The following CHD3 variants were observed in gnomAD, a reference collection of about 807,000 sequenced individuals.
CHD3 encodes chromodomain helicase DNA binding protein 3, also known as ATP-dependent chromatin remodeler CHD3.
A neutral mutation model predicts 248.9 loss-of-function variants in CHD3; 52 were observed. That is an observed-to-expected ratio of 0.21 (90% CI 0.17 to 0.26). The LOEUF is 0.26. Ranked by LOEUF, CHD3 falls within the 10% of genes least tolerant of loss-of-function variation. The pLI is 1.00. For synonymous variants in CHD3, 985 were observed against 985.2 expected, an observed-to-expected ratio of 1.00 and a Z score of 0.00; for missense variants, 1,482 against 2,605.8, an observed-to-expected ratio of 0.57 and a Z score of 9.39.
Position 7,904,491 on chromosome 17 carries a change from C to A in CHD3, c.3944C>A (p.Pro1315His), listed in dbSNP as rs1206448839. ...EIIKQEENVDPDYWEKLLRHH... is the reference protein window; with the variant it reads ...EIIKQEENVDHDYWEKLLRHH... ...ATCAAGCAGGAGGAGAATGTGGACC[C>A]TGACTACTGGGAGAAGCTGCTGAGG... is the stretch of plus-strand genomic sequence containing the variant. Residue 1315 changes from proline (P) to histidine (H), a missense_variant, in exon 25 of 40, where the codon CCT (proline) becomes CAT (histidine). By Grantham distance (77) the Pro-to-His change is moderately conservative. Around this residue, in one of 20 missense-constraint regions of CHD3, gnomAD observed 156 missense variants for 420.3 expected, o/e 0.37. Coordinates refer to ENST00000330494, the MANE Select transcript of CHD3 (RefSeq NM_001005273.3). This position sits in a 1 kb window ranked among gnomAD's most constrained non-coding sequence, Gnocchi z 4.4. The A allele has an allele frequency of 6.2e-7, 1 of 1,613,984 alleles. No homozygotes were observed. Among genetic ancestry groups the A allele is most frequent in the African/African-American group, 1.3e-5 (1 of 74,974 alleles).
Position 7,908,322 on chromosome 17 carries a change from T to C in CHD3, c.5153-80T>C. 8.8e-7 allele frequency: 1 copy of C among 1,140,442 alleles called. No individual in the cohort carries two copies. Among genetic ancestry groups the C allele is most frequent in the Non-Finnish European group, 1.3e-6 (1 of 775,990 alleles). The allele number at this position is 1,140,442 out of a possible 1,614,324, so 70.6% of individuals were successfully genotyped here. On this transcript the variant is annotated intron_variant, in intron 34 of 39. Transcript: ENST00000330494. The surrounding 1 kb of genome is among the most constrained non-coding windows in gnomAD (Gnocchi z 5.8). ...CTTAGTTCCCTTTCATTATTCAGTT[T>C]CTCCATCTCTACCTGTCTGTTGGAC...
chr17:7,898,406 G>A (rs1405339881), intron 12 of CHD3, 90 bp from the exon 13 acceptor site: 1 of 983,048 alleles, frequency 1.0e-6, no homozygotes, highest in Non-Finnish European at 1.6e-6. Context: ...CTAGGTCATG[G>A]ACAGTGGGAA....
At position 7,906,182 on chromosome 17, in the gene CHD3, G is replaced by A. The variant is rs1485536999; in HGVS notation, c.4358+193G>A. The A allele has an allele frequency of 1.1e-6, 1 of 909,368 alleles. No homozygotes were observed. Among genetic ancestry groups the A allele is most frequent in the Non-Finnish European group, 1.8e-6 (1 of 551,330 alleles). The allele number at this position is 909,368 out of a possible 1,614,324, so 56.3% of individuals were successfully genotyped here. ...CCACCTCCCCTCAGCCGAGCCTAGA[G>A]TAGAGGGGCCAGGCATCCTCCCCAG... On this transcript the variant is annotated intron_variant, in intron 28 of 39. Transcript: ENST00000330494. This position sits in a 1 kb window ranked among gnomAD's most constrained non-coding sequence, Gnocchi z 5.0.
chr17:7,891,094 T>C (rs754274557), intron 4 of CHD3, 30 bp downstream of exon 4: 1 of 1,610,230 alleles, frequency 6.2e-7, no homozygotes, highest in Admixed American at 1.7e-5. Flanking sequence ...TCCTCGCTAA[T>C]TGACACTTTT....
chr17:7,899,007 A>G lies in CHD3; in HGVS notation c.2152-4A>G, dbSNP rs1243612043. On this transcript the variant is annotated splice_polypyrimidine_tract_variant and splice_region_variant and intron_variant, in intron 13 of 39. Coordinates refer to ENST00000330494, the MANE Select transcript of CHD3 (RefSeq NM_001005273.3). The surrounding 1 kb of genome is among the most constrained non-coding windows in gnomAD (Gnocchi z 6.8). ...TTGAGCTTTCTGACTTCTTGTCTCT[A>G]TAGCCTACCGTGAAATATGAGACTC... 2 of 1,613,624 alleles carry G rather than the reference A, an allele frequency of 1.2e-6. No individual in the cohort carries two copies. Among genetic ancestry groups the G allele is most frequent in the Non-Finnish European group, 1.7e-6 (2 of 1,179,682 alleles).
Position 7,912,115 on chromosome 17 carries a change from T to C in CHD3, c.*530T>C. 1 of 229,184 alleles carries C rather than the reference T, an allele frequency of 4.4e-6. No individual in the cohort carries two copies. The highest frequency in any genetic ancestry group is 8.7e-6 in the Non-Finnish European group (1 of 114,688). 14.2% of individuals were successfully genotyped at this position (229,184 alleles called of 1,614,324 possible). On this transcript the variant is annotated 3_prime_UTR_variant, in exon 40 of 40. Transcript: ENST00000330494. ...TGGCTGCATGTTACCGTCCCCTACCTCTCCCCACGTGGAGGGTGGAGCAGT... is the reference window on the plus strand; with the variant it reads ...TGGCTGCATGTTACCGTCCCCTACCCCTCCCCACGTGGAGGGTGGAGCAGT...
chr17:7,884,999 C>T (rs758866327), upstream of CHD3: 35 of 1,245,632 alleles, frequency 2.8e-5, no homozygotes, highest in South Asian at 8.0e-4. Flanking sequence ...CCGCGACCGC[C>T]ACAGCCCCCC....
In CHD3 at chr17:7,900,027, G is replaced by A. The variant is rs747446011; in HGVS notation, c.2676G>A (p.Gln892=). Residue 892 remains glutamine, a synonymous_variant, in exon 16 of 40, where the codon CAG becomes CAA. Coordinates refer to ENST00000330494, the MANE Select transcript of CHD3 (RefSeq NM_001005273.3). The surrounding 1 kb of genome is among the most constrained non-coding windows in gnomAD (Gnocchi z 6.5). The part of the protein sequence containing the change: ...VDEAHRLKNN[Q]SKFFRVLNGY... ...AGGCCCATCGACTCAAGAACAACCA[G>A]TCCAAGGTGAGTGAGGTTTCCAGAC... The A allele has an allele frequency of 1.1e-5, 17 of 1,607,278 alleles. No individual in the cohort carries two copies. Among genetic ancestry groups the A allele is most frequent in the Non-Finnish European group, 1.4e-5 (16 of 1,175,100 alleles).
In CHD3 at chr17:7,901,142, A is replaced by G. The variant is rs1970251054; in HGVS notation, c.3121-102A>G. On this transcript the variant is annotated intron_variant, in intron 19 of 39. Transcript: ENST00000330494. ...TCTGAGAACAGGAGGAATTGGGAAC[A>G]TGTGGAAGCTGGATCCGGGCATCTG... The G allele has an allele frequency of 5.9e-6, 9 of 1,519,162 alleles. No homozygotes were observed. In the East Asian group the frequency reaches 1.8e-4, roughly 31 times the overall value. 94.1% of individuals were successfully genotyped at this position (1,519,162 alleles called of 1,614,324 possible).
chr17:7,889,170 A>G lies in CHD3; in HGVS notation c.100+70A>G. On this transcript the variant is annotated intron_variant, in intron 1 of 39. Coordinates refer to ENST00000330494, the MANE Select transcript of CHD3 (RefSeq NM_001005273.3). The surrounding 1 kb of genome is among the most constrained non-coding windows in gnomAD (Gnocchi z 4.5). Reference sequence around the variant, plus strand: ...AAGGATGTCAGGGCCCCAGGGTGTTAGTGTGAGAACCCAGGTGTCCACCTT... The same window carrying G: ...AAGGATGTCAGGGCCCCAGGGTGTTGGTGTGAGAACCCAGGTGTCCACCTT... The G allele has an allele frequency of 6.3e-7, 1 of 1,597,184 alleles. No individual in the cohort carries two copies. The highest frequency in any genetic ancestry group is 8.6e-7 in the Non-Finnish European group (1 of 1,167,442).
At position 7,907,281 on chromosome 17, in the gene CHD3, G is replaced by C. The variant is rs189253864; in HGVS notation, c.4788+34G>C. 6.2e-7 allele frequency: 1 copy of C among 1,614,014 alleles called. No homozygotes were observed. The highest frequency in any genetic ancestry group is 1.7e-5 in the Admixed American group (1 of 60,026). ...CTCCCTGGATTCCCCTGTGGAGCGG[G>C]AGGGGAGGGGGCTTGGAGGCCAGGT... On this transcript the variant is annotated intron_variant, in intron 31 of 39. Coordinates refer to ENST00000330494, the MANE Select transcript of CHD3 (RefSeq NM_001005273.3). This position sits in a 1 kb window ranked among gnomAD's most constrained non-coding sequence, Gnocchi z 4.3.
Position 7,903,713 on chromosome 17 carries a change from G to T in CHD3, c.3728-112G>T. The T allele has an allele frequency of 8.0e-7, 1 of 1,254,134 alleles. No homozygotes were observed. Among genetic ancestry groups the T allele is most frequent in the East Asian group, 2.5e-5 (1 of 40,082 alleles). 77.7% of individuals were successfully genotyped at this position (1,254,134 alleles called of 1,614,324 possible). Reference sequence around the variant, plus strand: ...AAAAACCTTTCAACATTGGCTCCCGGGGAAAAAGCCTTCTCTAGGGCTCCT... The same window carrying T: ...AAAAACCTTTCAACATTGGCTCCCGTGGAAAAAGCCTTCTCTAGGGCTCCT... On this transcript the variant is annotated intron_variant, in intron 23 of 39. Transcript: ENST00000330494. The surrounding 1 kb of genome is among the most constrained non-coding windows in gnomAD (Gnocchi z 6.8).
rs1970620118 is a variant in CHD3, at chr17:7,904,078, CT to C, written c.3894+88del. On this transcript the variant is annotated intron_variant, in intron 24 of 39. Transcript: ENST00000330494. The surrounding 1 kb of genome is among the most constrained non-coding windows in gnomAD (Gnocchi z 4.4). ...TTACTCAGCCTTGAAGTAGGAGGGTCTGTCCCCCTTAAAACAGTAGTGGACC... is the reference window on the plus strand; with the variant it reads ...TTACTCAGCCTTGAAGTAGGAGGGTCGTCCCCCTTAAAACAGTAGTGGACC... 7.0e-7 allele frequency: 1 copy of C among 1,422,144 alleles called. No individual in the cohort carries two copies. The highest frequency in any genetic ancestry group is 9.7e-7 in the Non-Finnish European group (1 of 1,032,436). The allele number at this position is 1,422,144 out of a possible 1,614,324, so 88.1% of individuals were successfully genotyped here. A position where few individuals can be genotyped will look rare whatever the true frequency, so the allele number is the denominator to read the frequency against.
Position 7,905,807 on chromosome 17 carries a change from T to C in CHD3, c.4225-49T>C. On this transcript the variant is annotated intron_variant, in intron 27 of 39. Coordinates refer to ENST00000330494, the MANE Select transcript of CHD3 (RefSeq NM_001005273.3). The surrounding 1 kb of genome is among the most constrained non-coding windows in gnomAD (Gnocchi z 5.8). ...CACTGAAGGTAGAAAGGACAAGACC[T>C]AAGAACCCTAGACATTTGTCGCCAT... The C allele has an allele frequency of 6.2e-7, 1 of 1,614,064 alleles. No homozygotes were observed. Among genetic ancestry groups the C allele is most frequent in the Non-Finnish European group, 8.5e-7 (1 of 1,179,980 alleles).
intron 4 of CHD3, 93 bp from the exon 5 acceptor site, chr17:7,893,193 C>A: frequency 6.9e-7 from 1 of 1,449,776 alleles, no homozygotes; most frequent in Middle Eastern, 1.9e-4. Flanking sequence ...CCCAGGAATC[C>A]TAGCATGTAC....
upstream of CHD3, chr17:7,888,737 T>C (rs1014508249): frequency 4.2e-5 from 46 of 1,089,382 alleles, no homozygotes; most frequent in East Asian, 1.0e-4. Flanking sequence ...GGTGCGCGCG[T>C]GCGCGCGCGT....
rs778951661 is a variant in CHD3 at position 7,888,912 on chromosome 17, G to A, written c.-89G>A. 142 of 1,590,948 alleles carry A rather than the reference G, an allele frequency of 8.9e-5. No individual in the cohort carries two copies. The highest frequency in any genetic ancestry group is 9.1e-5 in the Non-Finnish European group (106 of 1,168,096). ...TATGGCCCCCTAGTTCCCAAAGGGA[G>A]CAGGGAGATGGGAATAGAATTGAAG... On this transcript the variant is annotated 5_prime_UTR_variant, in exon 1 of 40. Coordinates refer to ENST00000330494, the MANE Select transcript of CHD3 (RefSeq NM_001005273.3).
Position 7,897,330 on chromosome 17 carries a change from T to A in CHD3, c.1919+36T>A. The A allele has an allele frequency of 6.5e-7, 1 of 1,541,966 alleles. No homozygotes were observed. The highest frequency in any genetic ancestry group is 8.9e-7 in the Non-Finnish European group (1 of 1,118,930). ...GGTCCCTGGGAAGTCAGACCTGGTA[T>A]ATGACATTATTCTTACCATGGTGAT... On this transcript the variant is annotated intron_variant, in intron 11 of 39. Transcript: ENST00000330494. The surrounding 1 kb of genome is among the most constrained non-coding windows in gnomAD (Gnocchi z 4.8).
rs2151654676 is a variant in CHD3, at chr17:7,908,084, GT to G, written c.5152+69del. Reference sequence around the variant, plus strand: ...TCTGCTCATCCTCATGGGGTTTCTCGTTTTGCCTGAGGCTTCCTGCTACCTT... The same window carrying G: ...TCTGCTCATCCTCATGGGGTTTCTCGTTTGCCTGAGGCTTCCTGCTACCTT... On this transcript the variant is annotated intron_variant, in intron 34 of 39. Coordinates refer to ENST00000330494, the MANE Select transcript of CHD3 (RefSeq NM_001005273.3). This position sits in a 1 kb window ranked among gnomAD's most constrained non-coding sequence, Gnocchi z 5.8. The G allele has an allele frequency of 2.6e-6, 4 of 1,522,566 alleles. No individual in the cohort carries two copies. In the South Asian group the frequency reaches 5.2e-5, roughly 20 times the overall value. The allele number at this position is 1,522,566 out of a possible 1,614,324, so 94.3% of individuals were successfully genotyped here.
Sources: gnomAD v4.1 joint callset for allele counts on GRCh38, gnomAD v4.1.1 for gene constraint, gnomAD v4.1.1 regional missense constraint, Gnocchi (gnomAD v3.1) non-coding constraint, MANE v1.5 for transcripts, NCBI Gene and HGNC (gene_info 2026-07-23, HGNC 2026-07-21) for gene names.